Variants in DMRT1 observed in about 807,000 individuals in gnomAD.
The protein encoded by DMRT1 is doublesex and mab-3 related transcription factor 1.
In DMRT1, 7 loss-of-function variants were observed where a neutral mutation model predicts 32.3. The observed-to-expected ratio is 0.22, with a 90% CI of 0.12 to 0.41. The LOEUF (loss-of-function observed/expected upper bound fraction) is 0.41, where lower values mean the gene tolerates loss of function less well. Among genes scored for constraint, DMRT1 ranks in the 10% least tolerant of loss-of-function variants. The pLI is 1.00. For missense variants in DMRT1, 625 were observed against 500.5 expected, an observed-to-expected ratio of 1.25 and a Z score of -2.37; for synonymous variants, 278 against 206.1, an observed-to-expected ratio of 1.35 and a Z score of -2.99.
rs1296511121 is a variant in DMRT1 at position 844,164 on chromosome 9, C to T, written c.354+1972C>T. On this transcript the variant is annotated intron_variant, in intron 1 of 4. Coordinates refer to ENST00000382276, the MANE Select transcript of DMRT1 (RefSeq NM_021951.3). ...TATTAGTAGAGGAGGCTGCTTACAC[C>T]GTTAAAAACAAAAGCAACTCAAGGT... is the stretch of plus-strand genomic sequence containing the variant. 3.9e-5 allele frequency among the ~76,000 whole-genome samples: 6 copies of T among 152,178 alleles called. No individual in the cohort carries two copies. In the East Asian group the frequency reaches 5.8e-4, roughly 15 times the overall value.
intron 2 of DMRT1, among the ~76,000 whole-genome samples, chr9:885,000 A>G (rs760441622): frequency 2.0e-5 from 3 of 152,218 alleles, no homozygotes; most frequent in Non-Finnish European, 4.4e-5. Context: ...ATCTAACTTC[A>G]TATTTCCATT....
In DMRT1 at chr9:956,433, T is replaced by A. The variant is rs375479331; in HGVS notation, c.968-11552T>A. Among the ~76,000 whole-genome samples the A allele has an allele frequency of 2.0e-4, 31 of 152,118 alleles. No individual in the cohort carries two copies. The South Asian group carries it at 5.2e-3, about 25-fold the overall frequency. On this transcript the variant is annotated intron_variant, in intron 4 of 4. Transcript: ENST00000382276. The stretch of plus-strand genomic sequence containing the variant: ...ATGGTTAAGGGCCAGGTGTGGTGGC[T>A]CATGCCGGTAATCCCAGCACTTTGG...
intron 2 of DMRT1, among the ~76,000 whole-genome samples, chr9:873,487 T>C (rs1004534499): frequency 7.0e-6 from 1 of 143,284 alleles, no homozygotes; most frequent in Admixed American, 7.0e-5. Context: ...TTGTATTTTC[T>C]TTTTTTTTTT....
chr9:891,514 CTTT>C (rs1241203326), intron 2 of DMRT1, among the ~76,000 whole-genome samples: 2 of 137,276 alleles, frequency 1.5e-5, no homozygotes. Context: ...GGAGGTTTTA[CTTT>C]TTTTTTTTTT....
chr9:906,328 C>G (rs1245574031), intron 3 of DMRT1, among the ~76,000 whole-genome samples: 1 of 152,194 alleles, frequency 6.6e-6, no homozygotes, highest in Non-Finnish European at 1.5e-5. Context: ...CCGGCAGGCT[C>G]TCATGTTCTG....
At chr9:860,495 G>T (rs985605412) in intron 2 of DMRT1, among the ~76,000 whole-genome samples, 1 of 151,726 alleles carries the variant, frequency 6.6e-6, no homozygotes, top group Non-Finnish European at 1.5e-5. Flanking sequence ...TTCTTTATTC[G>T]TTCAACAAAT....
intron 4 of DMRT1, among the ~76,000 whole-genome samples, chr9:926,676 G>A (rs1159388475): frequency 2.0e-5 from 2 of 101,848 alleles, no homozygotes; most frequent in African/African-American, 7.5e-5. Flanking sequence ...GCAGCCTAGA[G>A]AAGACACAGG....
chr9:849,597 C>T (rs904099356), intron 2 of DMRT1, among the ~76,000 whole-genome samples: 5 of 152,136 alleles, frequency 3.3e-5, no homozygotes, highest in Non-Finnish European at 4.4e-5. Flanking sequence ...CAAAAGGAAG[C>T]AGTAGGGGGG....
chr9:966,435 T>G (rs564866236), intron 4 of DMRT1, among the ~76,000 whole-genome samples: 55 of 152,334 alleles, frequency 3.6e-4, no homozygotes, highest in African/African-American at 1.3e-3. Flanking sequence ...AACAAATCTA[T>G]CAATATAAAA....
chr9:841,880 G>A lies in DMRT1; in HGVS notation c.42G>A (p.Ser14=), dbSNP rs778589761. The A allele has an allele frequency of 1.9e-6, 3 of 1,612,424 alleles. No homozygotes were observed. The highest frequency in any genetic ancestry group is 2.2e-5 in the South Asian group (2 of 90,932). ...CATTCAGCAAGCCCTCTACACCGTC[G>A]GAAGCCCCTCACGCCCCCGGGGTAC... ...DEAFSKPSTP[S]EAPHAPGVPP... Residue 14 remains serine (S), a synonymous_variant, in exon 1 of 5, where the codon TCG becomes TCA. Coordinates refer to ENST00000382276, the MANE Select transcript of DMRT1 (RefSeq NM_021951.3).
intron 3 of DMRT1, among the ~76,000 whole-genome samples, chr9:904,096 T>C (rs531948428): frequency 1.3e-5 from 2 of 152,356 alleles, no homozygotes; most frequent in South Asian, 4.1e-4. Flanking sequence ...GTTGTTACAT[T>C]ACCTATTATC....
rs1283798630 is a variant in DMRT1, at chr9:965,517, A to T, written c.968-2468A>T. ...AGGCAAGTTAGAGCAAAAGGGGGAT[A>T]TTGTCAAATTCCTTTCTTTTGCAAA... On this transcript the variant is annotated intron_variant, in intron 4 of 4. Coordinates refer to ENST00000382276, the MANE Select transcript of DMRT1 (RefSeq NM_021951.3). The surrounding 1 kb of genome is among the most constrained non-coding windows in gnomAD (Gnocchi z 4.5). Among the ~76,000 whole-genome samples, 1 of 152,190 alleles carries T rather than the reference A, an allele frequency of 6.6e-6. No homozygotes were observed. The highest frequency in any genetic ancestry group is 1.9e-4 in the East Asian group (1 of 5,196).
chr9:866,163 CAA>C (rs71327351), intron 2 of DMRT1, among the ~76,000 whole-genome samples: 4 of 52,680 alleles, frequency 7.6e-5, no homozygotes, highest in Middle Eastern at 0.028. Flanking sequence ...GAGTCCATCT[CAA>C]AAAAAAAAAA....
intron 3 of DMRT1, 84 bp from the exon 4 acceptor site, chr9:916,679 T>G: frequency 6.5e-7 from 1 of 1,541,004 alleles, no homozygotes. Context: ...GCCTGTTACC[T>G]TGTTTTAAAG....
intron 4 of DMRT1, among the ~76,000 whole-genome samples, chr9:929,555 G>A (rs1320700897): frequency 6.6e-6 from 1 of 151,450 alleles, no homozygotes; most frequent in African/African-American, 2.4e-5. Context: ...CTTCTGCTTG[G>A]GTGATACATA....
chr9:901,000 G>GTT (rs34176929), intron 3 of DMRT1, among the ~76,000 whole-genome samples: 2,806 of 150,054 alleles, frequency 0.019, 59 homozygotes, highest in African/African-American at 0.046. Flanking sequence ...CTCTACTTCA[G>GTT]TTTTTTTTTT....
chr9:945,382 G>T (rs772710023), intron 4 of DMRT1, among the ~76,000 whole-genome samples: 3 of 152,070 alleles, frequency 2.0e-5, no homozygotes, highest in Non-Finnish European at 4.4e-5. Context: ...TCTTGAACTC[G>T]TGACCTCAGG....
At chr9:861,746 G>C (rs1293871653) in intron 2 of DMRT1, among the ~76,000 whole-genome samples, 1 of 148,686 alleles carries the variant, frequency 6.7e-6, no homozygotes, top group South Asian at 2.1e-4. Flanking sequence ...CCCACCTCCT[G>C]GACGGGGCGG....
intron 2 of DMRT1, among the ~76,000 whole-genome samples, chr9:851,342 G>C (rs1448995878): frequency 1.3e-5 from 2 of 152,112 alleles, no homozygotes; most frequent in African/African-American, 2.4e-5. Context: ...GGGCTCAGAC[G>C]ATTCTCTCAC....
Sources: gnomAD v4.1 joint callset for allele counts (sites outside exome capture counted in the v4.1 genomes callset) on GRCh38, gnomAD v4.1.1 for gene constraint, Gnocchi (gnomAD v3.1) non-coding constraint, MANE v1.5 for transcripts, NCBI Gene and HGNC (gene_info 2026-07-23, HGNC 2026-07-21) for gene names.